The following RHBDD1 variants were observed in gnomAD, a reference collection of about 807,000 sequenced individuals.
RHBDD1 encodes rhomboid-related protein 4.
In RHBDD1, 38 loss-of-function variants were observed where a neutral mutation model predicts 36.3. That is an observed-to-expected ratio of 1.05 (90% CI 0.81 to 1.37). The LOEUF is 1.37. Among genes scored for constraint, RHBDD1 ranks in the 40% most tolerant of loss-of-function variants. The pLI, the probability that RHBDD1 is intolerant of heterozygous loss-of-function variation, is 0.00. For missense variants in RHBDD1, 393 were observed against 377.6 expected (o/e 1.04, Z -0.34); for synonymous variants, 151 against 136.5 (o/e 1.11, Z -0.74).
At chr2:226,870,783 TAAA>T (rs998572823) in intron 5 of RHBDD1, among the ~76,000 whole-genome samples, 3 of 152,204 alleles carry the variant, frequency 2.0e-5, no homozygotes, top group Non-Finnish European at 4.4e-5. Flanking sequence ...AAGATCATCA[TAAA>T]GAAGAGAAAA....
intron 8 of RHBDD1, among the ~76,000 whole-genome samples, chr2:226,922,069 T>G (rs764411195): frequency 2.6e-5 from 4 of 152,098 alleles, no homozygotes; most frequent in Non-Finnish European, 5.9e-5. Flanking sequence ...CTGAATTGAC[T>G]GACCCCTTTA....
At chr2:226,929,482 G>C (rs1245592490) in intron 8 of RHBDD1, among the ~76,000 whole-genome samples, 1 of 151,950 alleles carries the variant, frequency 6.6e-6, no homozygotes, top group Non-Finnish European at 1.5e-5. Flanking sequence ...AACAAACTAG[G>C]AATCGAAGGA....
the RHBDD1 span, chr2:226,807,410 G>T: frequency 6.6e-6 from 1 of 152,080 alleles, no homozygotes; most frequent in Non-Finnish European, 1.5e-5. Flanking sequence ...AATAACATTA[G>T]TTTCATAAAA....
chr2:226,818,629 A>G, the RHBDD1 span, among the ~76,000 whole-genome samples: 1 of 151,652 alleles, frequency 6.6e-6, no homozygotes, highest in Admixed American at 6.6e-5. Context: ...TCAGAAGGTC[A>G]GGCGTTTGAA....
At chr2:226,972,784 C>T (rs1953808781) in intron 8 of RHBDD1, among the ~76,000 whole-genome samples, 1 of 152,080 alleles carries the variant, frequency 6.6e-6, no homozygotes, top group Non-Finnish European at 1.5e-5. Context: ...TTTAAGGGTG[C>T]CTTTCATGAA....
chr2:226,844,536 A>T (rs1486728406), intron 3 of RHBDD1, among the ~76,000 whole-genome samples: 8 of 152,214 alleles, frequency 5.3e-5, no homozygotes, highest in Admixed American at 3.3e-4. Context: ...AACACTTCTT[A>T]CACAGATTAA....
intron 8 of RHBDD1, among the ~76,000 whole-genome samples, chr2:226,966,044 C>T (rs943907942): frequency 7.2e-5 from 11 of 152,136 alleles, no homozygotes; most frequent in African/African-American, 1.9e-4. Context: ...AAGTAGGCAT[C>T]ATTCCTGGGG....
intron 3 of RHBDD1, among the ~76,000 whole-genome samples, chr2:226,852,644 T>A (rs1037791861): frequency 1.3e-5 from 2 of 152,168 alleles, no homozygotes; most frequent in Admixed American, 6.5e-5. Context: ...TTGTTTGTAA[T>A]CATCCTGTCT....
At chr2:226,892,189 A>T (rs2125505109) in intron 5 of RHBDD1, among the ~76,000 whole-genome samples, 1 of 152,366 alleles carries the variant, frequency 6.6e-6, no homozygotes, top group Middle Eastern at 3.4e-3. Flanking sequence ...TTTGTTTAAC[A>T]TTAACTGTGC....
intron 6 of RHBDD1, among the ~76,000 whole-genome samples, chr2:226,907,240 T>C (rs1275021241): frequency 1.3e-5 from 2 of 152,162 alleles, no homozygotes; most frequent in African/African-American, 4.8e-5. Flanking sequence ...TTAATATACG[T>C]GCAAGGCAAA....
At chr2:226,867,578 T>C in intron 5 of RHBDD1, 1 of 985,210 alleles carries the variant, frequency 1.0e-6, no homozygotes, top group African/African-American at 1.7e-5. Context: ...GAACCTGCTA[T>C]ACTGATCTGA....
chr2:226,841,102 T>G (rs900290331), intron 3 of RHBDD1, among the ~76,000 whole-genome samples: 10 of 152,118 alleles, frequency 6.6e-5, no homozygotes, highest in African/African-American at 9.7e-5. Flanking sequence ...ATTTCTTGTT[T>G]TTTTCTTTCA....
In RHBDD1 at chr2:226,898,156, G is replaced by A. The variant is rs577307480; in HGVS notation, c.567-8637G>A. 1.1e-4 allele frequency among the ~76,000 whole-genome samples: 17 copies of A among 152,226 alleles called. No individual in the cohort carries two copies. The South Asian group carries it at 1.2e-3, about 11-fold the overall frequency. ...CTACCTCCCTATACTCCTACAAGGA[G>A]GATTAAATTTCATCATGAGTTTTGG... On this transcript the variant is annotated intron_variant, in intron 5 of 8. Transcript: ENST00000392062.
chr2:226,937,013 A>G (rs1214853883), intron 8 of RHBDD1, among the ~76,000 whole-genome samples: 1 of 152,150 alleles, frequency 6.6e-6, no homozygotes, highest in South Asian at 2.1e-4. Flanking sequence ...TTATGAAAGA[A>G]TTTACAGAAA....
chr2:226,845,107 A>G (rs865893734), intron 3 of RHBDD1, among the ~76,000 whole-genome samples: 1 of 152,170 alleles, frequency 6.6e-6, no homozygotes, highest in East Asian at 1.9e-4. Context: ...GATTTTACAT[A>G]AAGTTTATTT....
Position 226,937,356 on chromosome 2 carries a change from A to G in RHBDD1, c.856+23005A>G, listed in dbSNP as rs1333271012. Among the ~76,000 whole-genome samples the G allele has an allele frequency of 3.3e-5, 5 of 152,300 alleles. No homozygotes were observed. In the East Asian group the frequency reaches 9.6e-4, roughly 29 times the overall value. On this transcript the variant is annotated intron_variant, in intron 8 of 8. Coordinates refer to ENST00000392062, the MANE Select transcript of RHBDD1 (RefSeq NM_001167608.3). ...AGCTGCAGACACTAGACTTTGTTTTATAAACTCAATAGTTGATATTTTCAG... is the reference window on the plus strand; with the variant it reads ...AGCTGCAGACACTAGACTTTGTTTTGTAAACTCAATAGTTGATATTTTCAG...
intron 8 of RHBDD1, among the ~76,000 whole-genome samples, chr2:226,946,741 G>C (rs547898926): frequency 2.6e-5 from 4 of 152,276 alleles, no homozygotes; most frequent in African/African-American, 9.6e-5. Context: ...GAATCTAGAA[G>C]AAATGGATAA....
At chr2:226,937,373 T>A (rs1246722878) in intron 8 of RHBDD1, among the ~76,000 whole-genome samples, 1 of 152,194 alleles carries the variant, frequency 6.6e-6, no homozygotes, top group Non-Finnish European at 1.5e-5. Context: ...CAATAGTTGA[T>A]ATTTTCAGTG....
chr2:226,855,814 C>T (rs1187025335), intron 3 of RHBDD1, among the ~76,000 whole-genome samples: 2 of 152,126 alleles, frequency 1.3e-5, no homozygotes, highest in African/African-American at 4.8e-5. Context: ...ATTCCCATTA[C>T]CATCCTAATA....
Sources: gnomAD v4.1 joint callset for allele counts (sites outside exome capture counted in the v4.1 genomes callset) on GRCh38, gnomAD v4.1.1 for gene constraint, MANE v1.5 for transcripts, NCBI Gene and HGNC (gene_info 2026-07-23, HGNC 2026-07-21) for gene names.